RAI1: variants seen among roughly 807,000 people sequenced by gnomAD.
RAI1 encodes retinoic acid induced 1.
In RAI1, 9 loss-of-function variants were observed where a neutral mutation model predicts 123.8. That is an observed-to-expected ratio of 0.07 (90% CI 0.04 to 0.13). The LOEUF is 0.13. RAI1 is among the 10% of genes least tolerant of loss of function. The pLI is 1.00. For missense variants in RAI1, 2,256 were observed against 2,545.8 expected (o/e 0.89, Z 2.45); for synonymous variants, 1,231 against 1,127.3 (o/e 1.09, Z -1.84).
At position 17,796,870 on chromosome 17, in the gene RAI1, G is replaced by T. The variant is rs1374620220; in HGVS notation, c.3922G>T (p.Ala1308Ser). ...TGCCTGCCTCAAGCTCGCCTCTCGG[G>T]CAGCCTTCCAGGGGGCCATGAAGAC... ...PDACLKLASRAAFQGAMKTKV... is the reference protein window; with the variant it reads ...PDACLKLASRSAFQGAMKTKV... Residue 1308 changes from alanine (A) to serine (S), a missense_variant, in exon 3 of 6, where the codon GCA becomes TCA. This residue lies in a region of RAI1 where 322 missense variants were observed against 358.0 expected (regional missense o/e 0.90). Transcript: ENST00000353383. The surrounding 1 kb of genome is among the most constrained non-coding windows in gnomAD (Gnocchi z 5.8). 2 of 1,613,058 alleles carry T rather than the reference G, an allele frequency of 1.2e-6. No individual in the cohort carries two copies. Among genetic ancestry groups the T allele is most frequent in the East Asian group, 2.2e-5 (1 of 44,874 alleles).
chr17:17,793,653 C>T lies in RAI1; in HGVS notation c.705C>T (p.Ser235=). 6.2e-7 allele frequency: 1 copy of T among 1,613,270 alleles called. No homozygotes were observed. Among genetic ancestry groups the T allele is most frequent in the Admixed American group, 1.7e-5 (1 of 60,024 alleles). The change falls in exon 3 of 6, where the codon TCC becomes TCT. Residue 235 remains serine (S), a synonymous_variant. Transcript: ENST00000353383. ...SVQGGGQGAH[S]YKSCTAPTAQ... The stretch of plus-strand genomic sequence containing the variant: ...AGGGTGGTGGGCAGGGGGCCCACTC[C>T]TATAAGAGTTGCACAGCACCGACTG...
At chr17:17,771,158 A>C (rs979564426) in intron 2 of RAI1, among the ~76,000 whole-genome samples, 5 of 152,200 alleles carry the variant, frequency 3.3e-5, no homozygotes, top group African/African-American at 1.2e-4. Context: ...GGTGTCATGA[A>C]GAAGGGCCCT....
chr17:17,779,792 T>A lies in RAI1; in HGVS notation c.-16-13141T>A, dbSNP rs62064114. ...CACCCTTTTTTTTTTTTTTTTTTTT[T>A]AATAGACGGAGTCTCGCCCTTGCCC... On this transcript the variant is annotated intron_variant, in intron 2 of 5. Transcript: ENST00000353383. Among the ~76,000 whole-genome samples the A allele has an allele frequency of 3.5e-4, 37 of 106,884 alleles. 1 individual carries two copies. Among genetic ancestry groups the A allele is most frequent in the Admixed American group, 2.7e-3 (29 of 10,724 alleles). The allele number at this position is 106,884 out of a possible 152,430, so 70.1% of individuals were successfully genotyped here.
intron 2 of RAI1, among the ~76,000 whole-genome samples, chr17:17,785,161 G>A (rs1370898811): frequency 6.6e-6 from 1 of 152,238 alleles, no homozygotes; most frequent in African/African-American, 2.4e-5. Context: ...GAGCAGAAAT[G>A]TGCTCCACAG....
intron 2 of RAI1, among the ~76,000 whole-genome samples, chr17:17,737,911 C>G (rs879613130): frequency 5.9e-5 from 9 of 152,220 alleles, no homozygotes; most frequent in Admixed American, 5.9e-4. Context: ...CCTCAGTGAT[C>G]CAGCCTCAGA....
At chr17:17,724,927 C>T (rs9906532) in intron 2 of RAI1, among the ~76,000 whole-genome samples, 74,884 of 151,914 alleles carry the variant, frequency 0.49, 19,450 homozygotes, top group African/African-American at 0.6. Context: ...CCAGTGGCCC[C>T]CCTGCCCTGC....
intron 2 of RAI1, among the ~76,000 whole-genome samples, chr17:17,758,732 A>T (rs1000933340): frequency 6.6e-6 from 1 of 152,194 alleles, no homozygotes; most frequent in African/African-American, 2.4e-5. Flanking sequence ...ATGTACGAGG[A>T]GCATACTCAG....
intron 2 of RAI1, among the ~76,000 whole-genome samples, chr17:17,744,366 T>C (rs1477726110): frequency 6.6e-6 from 1 of 152,122 alleles, no homozygotes; most frequent in East Asian, 1.9e-4. Flanking sequence ...TGAGGGTCAG[T>C]AGCCAGAAAG....
chr17:17,740,071 TG>T (rs1163223887), intron 2 of RAI1, among the ~76,000 whole-genome samples: 1 of 152,172 alleles, frequency 6.6e-6, no homozygotes, highest in Non-Finnish European at 1.5e-5. Context: ...TGGGGATAGC[TG>T]GGGATCAGAC....
intron 1 of RAI1, among the ~76,000 whole-genome samples, chr17:17,711,413 T>A (rs1915563848): frequency 6.6e-6 from 1 of 152,130 alleles, no homozygotes; most frequent in Non-Finnish European, 1.5e-5. Flanking sequence ...GTCCCCCAGG[T>A]CCTCCCAGCT....
chr17:17,751,910 C>T (rs1280232626), intron 2 of RAI1, among the ~76,000 whole-genome samples: 1 of 152,230 alleles, frequency 6.6e-6, no homozygotes, highest in Admixed American at 6.5e-5. Flanking sequence ...TGCCTCCCTT[C>T]CGTGCGTCTC....
chr17:17,720,114 TC>T (rs1408506499), intron 1 of RAI1, among the ~76,000 whole-genome samples: 1 of 152,100 alleles, frequency 6.6e-6, no homozygotes, highest in Non-Finnish European at 1.5e-5. Flanking sequence ...CTGCCTGCAT[TC>T]CCTAGGACCC....
chr17:17,796,366 G>C lies in RAI1; in HGVS notation c.3418G>C (p.Asp1140His), dbSNP rs929642958. Reference protein sequence around the residue: ...ETDSPSTPGKDQRSMILRSRT... With the variant: ...ETDSPSTPGKHQRSMILRSRT... Reference sequence around the variant, plus strand: ...AGACTCACCCAGCACGCCTGGCAAGGACCAGCGCTCCATGATCCTTCGGTC... The same window carrying C: ...AGACTCACCCAGCACGCCTGGCAAGCACCAGCGCTCCATGATCCTTCGGTC... The change falls in exon 3 of 6, where the codon GAC becomes CAC. Residue 1140 changes from aspartate (D) to histidine (H), a missense_variant. By Grantham distance (81) the Asp-to-His change is moderately conservative. Coordinates refer to ENST00000353383, the MANE Select transcript of RAI1 (RefSeq NM_030665.4). This position sits in a 1 kb window ranked among gnomAD's most constrained non-coding sequence, Gnocchi z 5.8. 6.2e-7 allele frequency: 1 copy of C among 1,613,624 alleles called. No individual in the cohort carries two copies. The highest frequency in any genetic ancestry group is 8.5e-7 in the Non-Finnish European group (1 of 1,180,002).
intron 2 of RAI1, among the ~76,000 whole-genome samples, chr17:17,752,637 C>T (rs932361714): frequency 2.0e-5 from 3 of 152,250 alleles, no homozygotes; most frequent in African/African-American, 4.8e-5. Flanking sequence ...AATCCTCATC[C>T]GGCCGTGGGT....
intron 2 of RAI1, chr17:17,759,510 G>A (rs1435932334): frequency 6.6e-6 from 1 of 152,002 alleles, no homozygotes; most frequent in African/African-American, 2.4e-5. Context: ...TCACATTTTG[G>A]GCCCAGTTGC....
intron 2 of RAI1, chr17:17,779,566 G>C (rs868255533): frequency 2.6e-5 from 4 of 153,406 alleles, no homozygotes; most frequent in African/African-American, 9.7e-5. Flanking sequence ...CAGTTGAAGA[G>C]TGTGGCACAT....
chr17:17,729,111 C>T (rs548487517), intron 2 of RAI1, among the ~76,000 whole-genome samples: 4 of 152,314 alleles, frequency 2.6e-5, no homozygotes, highest in African/African-American at 9.6e-5. Flanking sequence ...CCCCACCTTG[C>T]TCCTCCCCAA....
chr17:17,711,187 G>A (rs996490900), intron 1 of RAI1, among the ~76,000 whole-genome samples: 1 of 152,212 alleles, frequency 6.6e-6, no homozygotes. Flanking sequence ...CAGGTGGGGC[G>A]ACTGAGGCCC....
In RAI1 at chr17:17,700,557, GGCCGGCCGCGGAAGCAGCTGCGC is replaced by G. The variant is rs1441361050; in HGVS notation, c.-149+18773_-149+18795del. Among the ~76,000 whole-genome samples, 17 of 152,242 alleles carry G rather than the reference GGCCGGCCGCGGAAGCAGCTGCGC, an allele frequency of 1.1e-4. No homozygotes were observed. The East Asian group carries it at 3.1e-3, about 28-fold the overall frequency. On this transcript the variant is annotated intron_variant, in intron 1 of 5. Transcript: ENST00000353383. ...TTGCACCTGCCCGGGCCTGAGGCGC[GGCCGGCCGCGGAAGCAGCTGCGC>G]GCCGGCCGGGACGGCCTTAATTACC...
Sources: gnomAD v4.1 joint callset for allele counts (sites outside exome capture counted in the v4.1 genomes callset) on GRCh38, gnomAD v4.1.1 for gene constraint, gnomAD v4.1.1 regional missense constraint, Gnocchi (gnomAD v3.1) non-coding constraint, MANE v1.5 for transcripts, NCBI Gene and HGNC (gene_info 2026-07-23, HGNC 2026-07-21) for gene names.